The following CACNA1C variants were observed in gnomAD, a reference collection of about 807,000 sequenced individuals.
The protein encoded by CACNA1C is calcium voltage-gated channel subunit alpha1 C, also known as voltage-dependent L-type calcium channel subunit alpha-1C.
CACNA1C carries 30 observed loss-of-function variants against 229.0 expected under a neutral mutation model. The ratio of observed to expected loss-of-function variants is 0.13; its 90% CI spans 0.10 to 0.18. The LOEUF (loss-of-function observed/expected upper bound fraction) is 0.18. CACNA1C is among the 10% of genes least tolerant of loss of function. The pLI, the probability that CACNA1C is intolerant of heterozygous loss-of-function variation, is 1.00. For missense variants in CACNA1C, 1,658 were observed against 2,845.0 expected, an observed-to-expected ratio of 0.58 and a Z score of 9.49; for synonymous variants, 1,114 against 1,132.5, an observed-to-expected ratio of 0.98 and a Z score of 0.33.
intron 3 of CACNA1C, among the ~76,000 whole-genome samples, chr12:2,265,042 C>T (rs117222070): frequency 1.3e-5 from 2 of 152,354 alleles, no homozygotes; most frequent in East Asian, 3.9e-4. Context: ...GGACGCCTGC[C>T]TGATGAGCTG....
At chr12:2,121,968 G>A (rs1465208430) in intron 3 of CACNA1C, among the ~76,000 whole-genome samples, 1 of 152,160 alleles carries the variant, frequency 6.6e-6, no homozygotes, top group African/African-American at 2.4e-5. Context: ...TTTTTCTTAG[G>A]TCCTGAGATG....
chr12:2,228,593 T>C (rs960635490), intron 3 of CACNA1C, among the ~76,000 whole-genome samples: 1 of 152,190 alleles, frequency 6.6e-6, no homozygotes. Context: ...ATAGAGTTTG[T>C]AGAAAAGGGG....
intron 30 of CACNA1C, 47 bp downstream of exon 30, chr12:2,634,427 C>A: frequency 2.2e-6 from 2 of 889,006 alleles, no homozygotes; most frequent in Non-Finnish European, 3.4e-6. Flanking sequence ...TGCTCTAACA[C>A]TCATTTGCCT....
chr12:2,068,849 C>A (rs996099448), intron 1 of CACNA1C, among the ~76,000 whole-genome samples: 1 of 152,152 alleles, frequency 6.6e-6, no homozygotes, highest in African/African-American at 2.4e-5. Context: ...TGGGTCTGGG[C>A]AACAAAAGGC....
At position 2,410,119 on chromosome 12, in the gene CACNA1C, G is replaced by C. The variant is rs532468389; in HGVS notation, c.478-38857G>C. 1.3e-5 allele frequency among the ~76,000 whole-genome samples: 2 copies of C among 152,316 alleles called. No individual in the cohort carries two copies. Among genetic ancestry groups the C allele is most frequent in the Admixed American group, 1.3e-4 (2 of 15,304 alleles). On this transcript the variant is annotated intron_variant, in intron 3 of 46. Coordinates refer to ENST00000399655, the MANE Select transcript of CACNA1C (RefSeq NM_000719.7). The surrounding 1 kb of genome is among the most constrained non-coding windows in gnomAD (Gnocchi z 5.3). ...CCTCTCAGACTGTGGGTTGCTTTTAGCTGTCAGCCTTGGATGGTGGGCTCA... is the reference window on the plus strand; with the variant it reads ...CCTCTCAGACTGTGGGTTGCTTTTACCTGTCAGCCTTGGATGGTGGGCTCA...
At chr12:2,268,858 C>T (rs2083516820) in intron 3 of CACNA1C, among the ~76,000 whole-genome samples, 1 of 152,206 alleles carries the variant, frequency 6.6e-6, no homozygotes, top group African/African-American at 2.4e-5. Context: ...TGGTGCTGTT[C>T]ATTCCGGGCT....
At chr12:2,520,231 A>G (rs1366006376) in intron 9 of CACNA1C, among the ~76,000 whole-genome samples, 47 of 82,268 alleles carry the variant, frequency 5.7e-4, no homozygotes, top group African/African-American at 1.4e-3. Flanking sequence ...GAGGGAAGCC[A>G]TGACAGTCTT....
intron 3 of CACNA1C, among the ~76,000 whole-genome samples, chr12:2,229,991 T>C (rs1464769191): frequency 6.6e-6 from 1 of 152,172 alleles, no homozygotes; most frequent in East Asian, 1.9e-4. Context: ...GGGTCTGTCC[T>C]GTGTGCGCGC....
At chr12:2,022,211 A>C (rs557164086) in intron 1 of CACNA1C, among the ~76,000 whole-genome samples, 41 of 152,294 alleles carry the variant, frequency 2.7e-4, no homozygotes, top group South Asian at 1.2e-3. Context: ...ATGTGATGGA[A>C]TGGCCTCCTG....
At chr12:2,065,922 G>A (rs1337377687) in intron 1 of CACNA1C, among the ~76,000 whole-genome samples, 1 of 152,188 alleles carries the variant, frequency 6.6e-6, no homozygotes, top group African/African-American at 2.4e-5. Flanking sequence ...TGGAATGGCA[G>A]GAAGGGGATA....
chr12:2,124,138 G>C (rs1463931799), intron 3 of CACNA1C, among the ~76,000 whole-genome samples: 3 of 150,430 alleles, frequency 2.0e-5, no homozygotes, highest in Admixed American at 1.3e-4. Flanking sequence ...GTGTGTGTGT[G>C]TGTGTGTGTG....
intron 3 of CACNA1C, among the ~76,000 whole-genome samples, chr12:2,252,284 G>T: frequency 6.6e-6 from 1 of 152,170 alleles, no homozygotes. Flanking sequence ...CTTGAAGTGT[G>T]TAAATAGTCC....
chr12:2,223,186 A>C, intron 3 of CACNA1C, among the ~76,000 whole-genome samples: 1 of 152,166 alleles, frequency 6.6e-6, no homozygotes, highest in Admixed American at 6.5e-5. Context: ...CTTACTGGGG[A>C]GTCACACCTC....
chr12:2,039,858 T>C (rs571567085), intron 1 of CACNA1C, among the ~76,000 whole-genome samples: 1 of 137,752 alleles, frequency 7.3e-6, no homozygotes, highest in Non-Finnish European at 1.5e-5. Context: ...ATTACAGTTC[T>C]TGGGTTCCTG....
Position 2,349,384 on chromosome 12 carries a change from T to C in CACNA1C, c.478-99592T>C, listed in dbSNP as rs138247210. ...TTTCAACAGACTCGCAGGGAGATTC[T>C]CTAGTACTGTCTCAATTGGAATCAT... On this transcript the variant is annotated intron_variant, in intron 3 of 46. Transcript: ENST00000399655. 1.2e-3 allele frequency among the ~76,000 whole-genome samples: 185 copies of C among 152,234 alleles called. 3 individuals carry two copies. The highest frequency in any genetic ancestry group is 3.9e-3 in the African/African-American group (160 of 41,530).
chr12:2,360,177 CCA>C (rs373271524), intron 3 of CACNA1C, among the ~76,000 whole-genome samples: 16 of 117,494 alleles, frequency 1.4e-4, no homozygotes, highest in East Asian at 3.1e-4. Flanking sequence ...CCCCCCCACC[CCA>C]CACACACACA....
rs190454149 is a variant in CACNA1C, at chr12:2,138,016, G to T, written c.477+17586G>T. Among the ~76,000 whole-genome samples the T allele has an allele frequency of 1.1e-4, 16 of 151,518 alleles. 1 individual carries two copies. Among genetic ancestry groups the T allele is most frequent in the Non-Finnish European group, 1.8e-4 (12 of 67,708 alleles). ...GGGTCTAGCTGAACTCTGGCACAGC[G>T]AGTGTAGCTGCTGAGTAGTTCGTTT... is the stretch of plus-strand genomic sequence containing the variant. On this transcript the variant is annotated intron_variant, in intron 3 of 46. Transcript: ENST00000399655.
chr12:2,684,341 T>G (rs1031798578), intron 43 of CACNA1C, among the ~76,000 whole-genome samples: 4 of 152,190 alleles, frequency 2.6e-5, no homozygotes, highest in African/African-American at 9.7e-5. Flanking sequence ...CTTCTACTTT[T>G]CTGACTCAGT....
At chr12:2,551,930 G>A (rs947897540) in intron 10 of CACNA1C, among the ~76,000 whole-genome samples, 2 of 152,152 alleles carry the variant, frequency 1.3e-5, no homozygotes, top group Non-Finnish European at 2.9e-5. Context: ...AGATACGGAG[G>A]CCCGAAACTC....
Sources: allele counts gnomAD v4.1 joint callset (sites outside exome capture counted in the v4.1 genomes callset), GRCh38; gene constraint gnomAD v4.1.1; non-coding constraint Gnocchi (gnomAD v3.1); transcripts MANE v1.5; gene names NCBI Gene and HGNC (gene_info 2026-07-23, HGNC 2026-07-21).